The following PSMD4 variants were observed in gnomAD, a reference collection of about 807,000 sequenced individuals.
The protein encoded by PSMD4 is 26S proteasome non-ATPase regulatory subunit 4.
A neutral mutation model predicts 39.7 loss-of-function variants in PSMD4; 5 were observed. That is an observed-to-expected ratio of 0.13 (90% confidence interval 0.07 to 0.26). The LOEUF (loss-of-function observed/expected upper bound fraction) is 0.26, where lower values mean the gene tolerates loss of function less well. Among genes scored for constraint, PSMD4 ranks in the 10% least tolerant of loss-of-function variants. PSMD4 has a pLI of 1.00. For synonymous variants in PSMD4, 143 were observed against 174.6 expected, an observed-to-expected ratio of 0.82 and a Z score of 1.43; for missense variants, 272 against 486.1, an observed-to-expected ratio of 0.56 and a Z score of 4.14.
At chr1:151,256,364 A>AAAAAAT (rs1558319365) in intron 1 of PSMD4, among the ~76,000 whole-genome samples, 11 of 45,630 alleles carry the variant, frequency 2.4e-4, no homozygotes, top group Non-Finnish European at 3.7e-4. Context: ...AAATAATAAT[A>AAAAAAT]AAATAAATAA....
chr1:151,260,285 G>C (rs1394413656), intron 1 of PSMD4, among the ~76,000 whole-genome samples: 1 of 151,980 alleles, frequency 6.6e-6, no homozygotes, highest in East Asian at 1.9e-4. Flanking sequence ...AACTATTAGA[G>C]CTCTCAGGGA....
chr1:151,256,349 AAAAAAAATAATAAT>A (rs1225249895), intron 1 of PSMD4, among the ~76,000 whole-genome samples: 68 of 93,730 alleles, frequency 7.3e-4, no homozygotes, highest in African/African-American at 1.4e-3. Flanking sequence ...CTCTCAAAAA[AAAAAAAATAATAAT>A]AAAATAAATA....
At chr1:151,256,368 T>G (rs200756734) in intron 1 of PSMD4, among the ~76,000 whole-genome samples, 1 of 99,040 alleles carries the variant, frequency 1.0e-5, no homozygotes, top group Non-Finnish European at 2.3e-5. Context: ...AATAATAAAA[T>G]AAATAAATAA....
chr1:151,265,364 G>A lies in PSMD4; in HGVS notation c.439-30G>A, dbSNP rs755908997. 7 of 1,610,424 alleles carry A rather than the reference G, an allele frequency of 4.3e-6. No homozygotes were observed. In the South Asian group the frequency reaches 7.7e-5, roughly 18 times the overall value. On this transcript the variant is annotated intron_variant, in intron 5 of 9. Coordinates refer to ENST00000368884, the MANE Select transcript of PSMD4 (RefSeq NM_002810.4). Reference sequence around the variant, plus strand: ...GAAAGAACAGGGAGCAAGGCCTGAAGAAGGGCATCATGTGTTCTTTCCTCC... The same window carrying A: ...GAAAGAACAGGGAGCAAGGCCTGAAAAAGGGCATCATGTGTTCTTTCCTCC...
At chr1:151,266,700 A>C in intron 9 of PSMD4, 113 bp downstream of exon 9, 1 of 1,272,774 alleles carries the variant, frequency 7.9e-7, no homozygotes, top group Non-Finnish European at 1.1e-6. Context: ...GCAGAGGGAA[A>C]CACATGGATT....
chr1:151,264,209 G>A (rs2101839837), intron 3 of PSMD4, among the ~76,000 whole-genome samples, 181 bp downstream of exon 3: 1 of 152,172 alleles, frequency 6.6e-6, no homozygotes, highest in East Asian at 1.9e-4. Context: ...AAAATCCCTA[G>A]AATTGAGAAT....
At chr1:151,263,879 C>T (rs750156483) in intron 2 of PSMD4, 35 bp from the exon 3 acceptor site, 12 of 1,417,114 alleles carry the variant, frequency 8.5e-6, no homozygotes, top group African/African-American at 7.1e-5. Flanking sequence ...CTTGTGCTGA[C>T]CTGAATTCAC....
chr1:151,257,937 CT>C (rs1308397085), intron 1 of PSMD4, among the ~76,000 whole-genome samples: 4 of 151,952 alleles, frequency 2.6e-5, no homozygotes, highest in African/African-American at 9.6e-5. Flanking sequence ...TTTATATCTT[CT>C]TTGATTTATT....
At chr1:151,255,005 AC>A (rs1224617372) in intron 1 of PSMD4, among the ~76,000 whole-genome samples, 197 bp downstream of exon 1, 1 of 151,850 alleles carries the variant, frequency 6.6e-6, no homozygotes, top group East Asian at 1.9e-4. Flanking sequence ...TACCACTGTT[AC>A]CCCCAGGGGG....
chr1:151,258,148 C>T (rs1053047472), intron 1 of PSMD4, among the ~76,000 whole-genome samples: 30 of 151,528 alleles, frequency 2.0e-4, no homozygotes, highest in Admixed American at 3.3e-4. Flanking sequence ...CTCAGCCTCC[C>T]GAGTAGCTGG....
intron 1 of PSMD4, among the ~76,000 whole-genome samples, chr1:151,256,202 G>A (rs1460911523): frequency 6.6e-6 from 1 of 151,286 alleles, no homozygotes; most frequent in Non-Finnish European, 1.5e-5. Flanking sequence ...AAATTAGCCA[G>A]GCGTGGTGGT....
At chr1:151,259,452 A>G (rs993959923) in intron 1 of PSMD4, among the ~76,000 whole-genome samples, 2 of 152,144 alleles carry the variant, frequency 1.3e-5, no homozygotes, top group Non-Finnish European at 2.9e-5. Context: ...AGTGTACTTA[A>G]CCTATATATT....
intron 1 of PSMD4, among the ~76,000 whole-genome samples, chr1:151,261,180 C>CTTTTTTTTTTTTTTTTTTT (rs587653164): frequency 8.3e-6 from 1 of 120,008 alleles, no homozygotes; most frequent in Non-Finnish European, 1.8e-5. Context: ...TTTTCTTTTT[C>CTTTTTTTTTTTTTTTTTTT]TTTTTTTTTT....
At chr1:151,261,158 T>C (rs1693307860) in intron 1 of PSMD4, among the ~76,000 whole-genome samples, 1 of 151,076 alleles carries the variant, frequency 6.6e-6, no homozygotes, top group African/African-American at 2.4e-5. Context: ...CAGCCTATTT[T>C]ATAGATTTTT....
At chr1:151,266,783 C>A in intron 9 of PSMD4, 196 bp downstream of exon 9, 1 of 808,188 alleles carries the variant, frequency 1.2e-6, no homozygotes, top group Non-Finnish European at 2.1e-6. Flanking sequence ...TCCTCTTGTT[C>A]TGTAATTTTC....
At chr1:151,255,767 C>G (rs587676359) in intron 1 of PSMD4, among the ~76,000 whole-genome samples, 15 of 152,066 alleles carry the variant, frequency 9.9e-5, no homozygotes, top group Middle Eastern at 6.8e-3. Flanking sequence ...CTCTGTCTCC[C>G]GGACTGGAGT....
At chr1:151,263,430 G>A (rs753184420) in intron 2 of PSMD4, among the ~76,000 whole-genome samples, 1 of 149,914 alleles carries the variant, frequency 6.7e-6, no homozygotes, top group African/African-American at 2.5e-5. Context: ...GCCACTGCAC[G>A]CCAGCCTGGG....
intron 4 of PSMD4, 38 bp from the exon 5 acceptor site, chr1:151,265,128 T>C (rs1693399426): frequency 2.6e-6 from 4 of 1,567,428 alleles, no homozygotes; most frequent in Non-Finnish European, 3.5e-6. Context: ...CCCTCGAGTA[T>C]GGAACAGATT....
intron 1 of PSMD4, 112 bp from the exon 2 acceptor site, chr1:151,262,049 C>A: frequency 1.8e-6 from 2 of 1,137,916 alleles, no homozygotes; most frequent in Non-Finnish European, 2.5e-6. Flanking sequence ...AGAAAAAAAG[C>A]TACAGGTGAT....
Sources: allele counts gnomAD v4.1 joint callset (sites outside exome capture counted in the v4.1 genomes callset), GRCh38; gene constraint gnomAD v4.1.1; transcripts MANE v1.5; gene names NCBI Gene and HGNC (gene_info 2026-07-23, HGNC 2026-07-21).